PXMP4: variants seen among roughly 807,000 people sequenced by gnomAD.
PXMP4 encodes the protein 24 kDa peroxisomal intrinsic membrane protein.
A neutral mutation model predicts 21.6 loss-of-function variants in PXMP4; 16 were observed. That is an observed-to-expected ratio of 0.74 (90% confidence interval 0.50 to 1.13). PXMP4 has a LOEUF of 1.13. Ranked by LOEUF, PXMP4 falls within the 50% of genes most tolerant of loss-of-function variation. The pLI, the probability that PXMP4 is intolerant of heterozygous loss-of-function variation, is 0.00. For synonymous variants in PXMP4, 127 were observed against 123.8 expected, an observed-to-expected ratio of 1.03 and a Z score of -0.17; for missense variants, 240 against 277.7, an observed-to-expected ratio of 0.86 and a Z score of 0.96.
At position 33,706,627 on chromosome 20, in the gene PXMP4, G is replaced by A. The variant is rs1335173612; in HGVS notation, c.*1079C>T. The A allele has an allele frequency of 2.1e-4, 32 of 152,078 alleles. No individual in the cohort carries two copies. The highest frequency in any genetic ancestry group is 2.1e-3 in the Admixed American group (32 of 15,260). 9.4% of individuals were successfully genotyped at this position (152,078 alleles called of 1,614,324 possible). A position where few individuals can be genotyped will look rare whatever the true frequency, so the allele number is the denominator to read the frequency against. ...TTCCCCAAGGTTACACAGTGGGGGA[G>A]TGGGGACTCAAACCCATGTCCTCTA... On this transcript the variant is annotated 3_prime_UTR_variant, in exon 4 of 4. Coordinates refer to ENST00000409299, the MANE Select transcript of PXMP4 (RefSeq NM_007238.5).
intron 2 of PXMP4, among the ~76,000 whole-genome samples, chr20:33,712,411 C>T (rs1455866813): frequency 6.6e-6 from 1 of 152,128 alleles, no homozygotes; most frequent in East Asian, 1.9e-4. Flanking sequence ...GCCCTGCTCC[C>T]CTCCCCCCAC....
intron 1 of PXMP4, 121 bp from the exon 2 acceptor site, chr20:33,714,857 G>T: frequency 1.1e-6 from 1 of 947,506 alleles, no homozygotes; most frequent in Non-Finnish European, 1.7e-6. Flanking sequence ...TTTGGGAGGG[G>T]AAATCATGCT....
Position 33,717,513 on chromosome 20 carries a change from G to A in PXMP4, c.113+2582C>T, listed in dbSNP as rs971801594. Reference sequence around the variant, plus strand: ...AAATTAGCCGGGCGTAGTGGCGGGCGCCTGTAGTCCCAGCTACTTGGGAGG... The same window carrying A: ...AAATTAGCCGGGCGTAGTGGCGGGCACCTGTAGTCCCAGCTACTTGGGAGG... On this transcript the variant is annotated intron_variant, in intron 1 of 3. Coordinates refer to ENST00000409299, the MANE Select transcript of PXMP4 (RefSeq NM_007238.5). Among the ~76,000 whole-genome samples, 380 of 148,778 alleles carry A rather than the reference G, an allele frequency of 2.6e-3. 3 individuals carry two copies. Among genetic ancestry groups the A allele is most frequent in the African/African-American group, 8.8e-3 (353 of 40,322 alleles).
Position 33,703,240 on chromosome 20 carries a change from T to G in PXMP4, c.*4466A>C, listed in dbSNP as rs2018223289. ...GCTAAAAGCAGGGTGTGCTCAGTCC[T>G]CAGGGGCACACTTCCTCTACATTTG... On this transcript the variant is annotated 3_prime_UTR_variant, in exon 4 of 4. Coordinates refer to ENST00000409299, the MANE Select transcript of PXMP4 (RefSeq NM_007238.5). 6.6e-6 allele frequency: 1 copy of G among 152,278 alleles called. No homozygotes were observed. 9.4% of individuals were successfully genotyped at this position (152,278 alleles called of 1,614,324 possible). A position where few individuals can be genotyped will look rare whatever the true frequency, so the allele number is the denominator to read the frequency against.
intron 1 of PXMP4, among the ~76,000 whole-genome samples, chr20:33,719,860 A>G (rs902595764): frequency 2.6e-5 from 4 of 152,250 alleles, no homozygotes; most frequent in African/African-American, 9.6e-5. Flanking sequence ...CAAGAGGGCC[A>G]GGCTGCAAAG....
At chr20:33,712,354 A>G (rs753047703) in intron 2 of PXMP4, among the ~76,000 whole-genome samples, 8 of 152,174 alleles carry the variant, frequency 5.3e-5, no homozygotes, top group Non-Finnish European at 8.8e-5. Flanking sequence ...GCTCACTTGC[A>G]TCACTGCCAC....
intron 3 of PXMP4, among the ~76,000 whole-genome samples, chr20:33,709,363 C>T (rs1247587349): frequency 2.0e-5 from 3 of 152,164 alleles, no homozygotes; most frequent in Non-Finnish European, 2.9e-5. Flanking sequence ...CATTTCATAA[C>T]AAAAGCGAAG....
At chr20:33,715,496 G>C (rs1197915517) in intron 1 of PXMP4, among the ~76,000 whole-genome samples, 3 of 151,320 alleles carry the variant, frequency 2.0e-5, no homozygotes, top group Non-Finnish European at 2.9e-5. Flanking sequence ...TATGATCTTA[G>C]CTTACTGCAA....
rs565000701 is a variant in PXMP4 at position 33,711,231 on chromosome 20, G to A, written c.177-478C>T. Among the ~76,000 whole-genome samples, 73 of 152,242 alleles carry A rather than the reference G, an allele frequency of 4.8e-4. 1 individual carries two copies. The Middle Eastern group carries it at 0.01, about 21-fold the overall frequency. The stretch of plus-strand genomic sequence containing the variant: ...ATTCTGAGAAGAAACAGATCTGCTC[G>A]CCACCCTCAGGGGCTTATGATCTAC... On this transcript the variant is annotated intron_variant, in intron 2 of 3. Coordinates refer to ENST00000409299, the MANE Select transcript of PXMP4 (RefSeq NM_007238.5).
intron 2 of PXMP4, among the ~76,000 whole-genome samples, chr20:33,711,481 G>A (rs1257563662): frequency 6.6e-6 from 1 of 152,054 alleles, no homozygotes; most frequent in Non-Finnish European, 1.5e-5. Context: ...TTGTGGGGAG[G>A]GTGCAGGGCA....
In PXMP4 at chr20:33,711,657, T is replaced by C. The variant is rs552943163; in HGVS notation, c.177-904A>G. Among the ~76,000 whole-genome samples, 25 of 151,976 alleles carry C rather than the reference T, an allele frequency of 1.6e-4. No individual in the cohort carries two copies. In the South Asian group the frequency reaches 5.2e-3, roughly 32 times the overall value. On this transcript the variant is annotated intron_variant, in intron 2 of 3. Coordinates refer to ENST00000409299, the MANE Select transcript of PXMP4 (RefSeq NM_007238.5). ...GCTGAGCTGAGATGGTGCCACTGCA[T>C]TCCAGCCTGGACGACAGAGACTCTA...
intron 1 of PXMP4, among the ~76,000 whole-genome samples, chr20:33,717,639 C>CAA (rs10666719): frequency 8.8e-5 from 5 of 56,536 alleles, no homozygotes; most frequent in East Asian, 4.3e-4. Context: ...GACTCCGTCT[C>CAA]AAAAAAAAAA....
chr20:33,717,597 G>A (rs1461532812), intron 1 of PXMP4, among the ~76,000 whole-genome samples: 6 of 129,114 alleles, frequency 4.6e-5, no homozygotes, highest in Non-Finnish European at 9.2e-5. Context: ...CCGAGATCGC[G>A]CCACTGCACT....
At position 33,707,575 on chromosome 20, in the gene PXMP4, A is replaced by T; in HGVS notation, c.*131T>A. ...CTGGGATTTTAAAATCAGTGTTTTT[A>T]CTTCAGCAAACGGAACCCTGGGATA... On this transcript the variant is annotated 3_prime_UTR_variant, in exon 4 of 4. Coordinates refer to ENST00000409299, the MANE Select transcript of PXMP4 (RefSeq NM_007238.5). 1 of 1,311,374 alleles carries T rather than the reference A, an allele frequency of 7.6e-7. No homozygotes were observed. The highest frequency in any genetic ancestry group is 1.0e-6 in the Non-Finnish European group (1 of 959,770). 81.2% of individuals were successfully genotyped at this position (1,311,374 alleles called of 1,614,324 possible).
At chr20:33,714,944 T>G (rs913771871) in intron 1 of PXMP4, among the ~76,000 whole-genome samples, 1 of 152,106 alleles carries the variant, frequency 6.6e-6, no homozygotes. Context: ...AGACTCAGTT[T>G]CCGCACCATA....
rs115977166 is a variant in PXMP4 at position 33,713,921 on chromosome 20, A to G, written c.176+753T>C. Among the ~76,000 whole-genome samples the G allele has an allele frequency of 3.4e-3, 525 of 152,314 alleles. 3 individuals are homozygous for G. The highest frequency in any genetic ancestry group is 0.012 in the African/African-American group (501 of 41,570). Reference sequence around the variant, plus strand: ...ACAGGAAGGTGAAGATGCTTCAGCGAGAGACAAGAGATCAGGGAGCTTTGA... The same window carrying G: ...ACAGGAAGGTGAAGATGCTTCAGCGGGAGACAAGAGATCAGGGAGCTTTGA... On this transcript the variant is annotated intron_variant, in intron 2 of 3. Coordinates refer to ENST00000409299, the MANE Select transcript of PXMP4 (RefSeq NM_007238.5).
rs768879935 is a variant in PXMP4 at position 33,714,671 on chromosome 20, T to C, written c.176+3A>G. 2.5e-6 allele frequency: 4 copies of C among 1,613,678 alleles called. No homozygotes were observed. The highest frequency in any genetic ancestry group is 1.7e-5 in the Admixed American group (1 of 60,004). Reference sequence around the variant, plus strand: ...ATTCTCTCCCAGTTTGAGGGATGTGTACCTGCCATTCCGGAAGAGAAAGGT... The same window carrying C: ...ATTCTCTCCCAGTTTGAGGGATGTGCACCTGCCATTCCGGAAGAGAAAGGT... On this transcript the variant is annotated splice_donor_region_variant and intron_variant, in intron 2 of 3. Coordinates refer to ENST00000409299, the MANE Select transcript of PXMP4 (RefSeq NM_007238.5).
intron 3 of PXMP4, among the ~76,000 whole-genome samples, chr20:33,708,541 TAA>T (rs568305645): frequency 1.4e-5 from 2 of 139,484 alleles, no homozygotes; most frequent in Non-Finnish European, 1.6e-5. Flanking sequence ...TGGATGTAGT[TAA>T]AAAAAAAAAA....
rs539267772 is a variant in PXMP4, at chr20:33,707,542, G to T, written c.*164C>A. The T allele has an allele frequency of 8.2e-5, 84 of 1,027,870 alleles. 1 individual carries two copies. In the South Asian group the frequency reaches 1.3e-3, roughly 15 times the overall value. The allele number at this position is 1,027,870 out of a possible 1,614,324, so 63.7% of individuals were successfully genotyped here. On this transcript the variant is annotated 3_prime_UTR_variant, in exon 4 of 4. Transcript: ENST00000409299. ...TCGGCCACTTGTGCCACCATACAAA[G>T]GTACCCACTGGGATTTTAAAATCAG...
Sources: allele counts gnomAD v4.1 joint callset (sites outside exome capture counted in the v4.1 genomes callset), GRCh38; gene constraint gnomAD v4.1.1; transcripts MANE v1.5; gene names NCBI Gene and HGNC (gene_info 2026-07-23, HGNC 2026-07-21).